The following ZKSCAN4 variants were observed in gnomAD, a reference collection of about 807,000 sequenced individuals.
The protein encoded by ZKSCAN4 is zinc finger protein with KRAB and SCAN domains 4.
ZKSCAN4 carries 23 observed loss-of-function variants against 30.8 expected under a neutral mutation model. The ratio of observed to expected loss-of-function variants is 0.75; its 90% confidence interval spans 0.54 to 1.06. ZKSCAN4 has a LOEUF of 1.06. Among genes scored for constraint, ZKSCAN4 ranks in the 50% least tolerant of loss-of-function variants. The pLI is 0.00. For missense variants in ZKSCAN4, 556 were observed against 665.4 expected (o/e 0.84, Z 1.81); for synonymous variants, 208 against 252.5 (o/e 0.82, Z 1.67).
At chr6:28,246,656 T>G (rs986322277) in intron 4 of ZKSCAN4, among the ~76,000 whole-genome samples, 2 of 151,194 alleles carry the variant, frequency 1.3e-5, no homozygotes, top group Non-Finnish European at 2.9e-5. Context: ...GGCCCCCCCC[T>G]CCCCGCAGCT....
intron 4 of ZKSCAN4, among the ~76,000 whole-genome samples, chr6:28,246,415 C>T (rs1031137914): frequency 1.3e-5 from 2 of 152,106 alleles, no homozygotes; most frequent in African/African-American, 4.8e-5. Flanking sequence ...ATGACATGGA[C>T]CGTCATCTCT....
chr6:28,245,873 A>G lies in ZKSCAN4; in HGVS notation c.881T>C (p.Ile294Thr). 2 of 1,614,178 alleles carry G rather than the reference A, an allele frequency of 1.2e-6. No individual in the cohort carries two copies. Among genetic ancestry groups the G allele is most frequent in the Non-Finnish European group, 1.7e-6 (2 of 1,180,032 alleles). ...ICHLREDIAQ[I>T]PTHAEAGEQE... ...TTCACCAGCTTCTGCATGTGTAGGA[A>G]TCTGGGCAATGTCTTCCCTCAGGTG... The change falls in exon 5 of 5, where the codon ATT becomes ACT. Residue 294 changes from isoleucine to threonine, a missense_variant. By Grantham distance (89) the Ile-to-Thr change is moderately conservative (BLOSUM62 -1). Around this residue, in one of 3 missense-constraint regions of ZKSCAN4, gnomAD observed 433 missense variants for 511.5 expected, o/e 0.85. Transcript: ENST00000377294.
intron 4 of ZKSCAN4, among the ~76,000 whole-genome samples, chr6:28,246,745 AGTT>A (rs1164680791): frequency 6.6e-6 from 1 of 152,114 alleles, no homozygotes; most frequent in African/African-American, 2.4e-5. Context: ...CTGTACAAGG[AGTT>A]GTATCAATTT....
chr6:28,246,873 A>G, intron 4 of ZKSCAN4, 96 bp downstream of exon 4: 1 of 1,398,532 alleles, frequency 7.2e-7, no homozygotes, highest in Non-Finnish European at 9.6e-7. Context: ...CTGAATCCAA[A>G]CATAATGGGG....
rs1234313130 is a variant in ZKSCAN4, at chr6:28,242,656, C to T, written c.*2460G>A. 1.3e-5 allele frequency among the ~76,000 whole-genome samples: 2 copies of T among 152,132 alleles called. No individual in the cohort carries two copies. The highest frequency in any genetic ancestry group is 4.8e-5 in the African/African-American group (2 of 41,406). ...TTTTCCTTCTCTGAATTTCTACAAG[C>T]CTCAGTTTACCACTCATAAGGCATT... is the stretch of plus-strand genomic sequence containing the variant. On this transcript the variant is annotated 3_prime_UTR_variant, in exon 5 of 5. Coordinates refer to ENST00000377294, the MANE Select transcript of ZKSCAN4 (RefSeq NM_019110.5).
intron 1 of ZKSCAN4, among the ~76,000 whole-genome samples, chr6:28,250,144 C>T (rs187866166): frequency 2.0e-5 from 3 of 151,726 alleles, no homozygotes; most frequent in African/African-American, 7.3e-5. Flanking sequence ...CTCACCTCAC[C>T]GCAACTTCCG....
Position 28,251,230 on chromosome 6 carries a change from G to A in ZKSCAN4, c.423+328C>T, listed in dbSNP as rs1027990462. Among the ~76,000 whole-genome samples, 3 of 152,090 alleles carry A rather than the reference G, an allele frequency of 2.0e-5. No individual in the cohort carries two copies. The highest frequency in any genetic ancestry group is 7.2e-5 in the African/African-American group (3 of 41,398). ...GCAAATAGATGCTTATCGCCATTTT[G>A]AAATTGCCAATTATAAGCCCTGTCC... On this transcript the variant is annotated intron_variant, in intron 1 of 4. Coordinates refer to ENST00000377294, the MANE Select transcript of ZKSCAN4 (RefSeq NM_019110.5). This position sits in a 1 kb window ranked among gnomAD's most constrained non-coding sequence, Gnocchi z 4.5.
chr6:28,254,055 T>C (rs1581592945), upstream of ZKSCAN4, among the ~76,000 whole-genome samples: 1 of 152,196 alleles, frequency 6.6e-6, no homozygotes, highest in South Asian at 2.1e-4. Flanking sequence ...GGACATTCTA[T>C]AGAACAGAAT....
At position 28,249,668 on chromosome 6, in the gene ZKSCAN4, C is replaced by T; in HGVS notation, c.571+19G>A. Reference sequence around the variant, plus strand: ...GATGAAGTCTATAGAATTCATACAACCCAGAAGAGAATACTCACCTCTATC... The same window carrying T: ...GATGAAGTCTATAGAATTCATACAATCCAGAAGAGAATACTCACCTCTATC... On this transcript the variant is annotated intron_variant, in intron 2 of 4. Transcript: ENST00000377294. The surrounding 1 kb of genome is among the most constrained non-coding windows in gnomAD (Gnocchi z 4.1). 1.2e-6 allele frequency: 2 copies of T among 1,611,280 alleles called. No homozygotes were observed. Among genetic ancestry groups the T allele is most frequent in the Non-Finnish European group, 1.7e-6 (2 of 1,178,978 alleles).
Position 28,251,883 on chromosome 6 carries a change from G to T in ZKSCAN4, c.98C>A (p.Ser33Tyr), listed in dbSNP as rs9986596. 1.3e-6 allele frequency: 2 copies of T among 1,550,110 alleles called. No individual in the cohort carries two copies. Among genetic ancestry groups the T allele is most frequent in the Non-Finnish European group, 1.7e-6 (2 of 1,153,816 alleles). ...TGCTCTCACCTCCGCCGTCAAGGCG[G>T]AGGCTTCCTCCTTCTCCACCTTCAC... ...LTVKVEKEEA[S>Y]ALTAEVRAPC... Residue 33 changes from serine to tyrosine, a missense_variant, in exon 1 of 5, where the codon TCC becomes TAC. Transcript: ENST00000377294. The surrounding 1 kb of genome is among the most constrained non-coding windows in gnomAD (Gnocchi z 4.5).
chr6:28,251,778 C>A lies in ZKSCAN4; in HGVS notation c.203G>T (p.Arg68Leu). The change falls in exon 1 of 5, where the codon CGC becomes CTC. Residue 68 changes from arginine to leucine, a missense_variant. This residue lies in a region of ZKSCAN4 where 115 missense variants were observed against 125.9 expected (regional missense o/e 0.91). Coordinates refer to ENST00000377294, the MANE Select transcript of ZKSCAN4 (RefSeq NM_019110.5). The surrounding 1 kb of genome is among the most constrained non-coding windows in gnomAD (Gnocchi z 4.5). ...TTCTCGGAGCCGGCTCAACGCCTCG[C>A]GGGGGCCCGCAGCCTCCGGGTAGCG... ...GFRYPEAAGP[R>L]EALSRLRELC... is the part of the protein sequence containing the mutation. 6.2e-7 allele frequency: 1 copy of A among 1,614,086 alleles called. No homozygotes were observed. The highest frequency in any genetic ancestry group is 8.5e-7 in the Non-Finnish European group (1 of 1,179,950).
intron 1 of ZKSCAN4, among the ~76,000 whole-genome samples, chr6:28,250,494 T>C (rs1760947423): frequency 6.6e-6 from 1 of 152,198 alleles, no homozygotes; most frequent in African/African-American, 2.4e-5. Context: ...GCTCCCTCAT[T>C]ATATACATCT....
rs1445036770 is a variant in ZKSCAN4 at position 28,245,852 on chromosome 6, C to G, written c.902G>C (p.Gly301Ala). ...TCTTTGTAACCTGCCCTCCTGTTCA[C>G]CAGCTTCTGCATGTGTAGGAATCTG... ...IAQIPTHAEA[G>A]EQEGRLQRKQ... The change falls in exon 5 of 5, where the codon GGT becomes GCT. Residue 301 changes from glycine to alanine, a missense_variant. Gly to Ala is a moderately conservative substitution (Grantham distance 60). Around this residue, in one of 3 missense-constraint regions of ZKSCAN4, gnomAD observed 433 missense variants for 511.5 expected, o/e 0.85. Coordinates refer to ENST00000377294, the MANE Select transcript of ZKSCAN4 (RefSeq NM_019110.5). 2 of 1,614,094 alleles carry G rather than the reference C, an allele frequency of 1.2e-6. No homozygotes were observed. Among genetic ancestry groups the G allele is most frequent in the East Asian group, 4.5e-5 (2 of 44,888 alleles).
rs781334322 is a variant in ZKSCAN4 at position 28,251,876 on chromosome 6, C to G, written c.105G>C (p.Leu35Phe). The change falls in exon 1 of 5, where the codon TTG (leucine) becomes TTC (phenylalanine). Residue 35 changes from leucine (L) to phenylalanine (F), a missense_variant. Transcript: ENST00000377294. This position sits in a 1 kb window ranked among gnomAD's most constrained non-coding sequence, Gnocchi z 4.5. Reference protein sequence around the residue: ...VKVEKEEASALTAEVRAPCSP... With the variant: ...VKVEKEEASAFTAEVRAPCSP... ...TGCAGGGTGCTCTCACCTCCGCCGTCAAGGCGGAGGCTTCCTCCTTCTCCA... is the reference window on the plus strand; with the variant it reads ...TGCAGGGTGCTCTCACCTCCGCCGTGAAGGCGGAGGCTTCCTCCTTCTCCA... 1.4e-5 allele frequency: 22 copies of G among 1,556,438 alleles called. No individual in the cohort carries two copies. The highest frequency in any genetic ancestry group is 1.3e-4 in the South Asian group (11 of 82,078).
rs1352468671 is a variant in ZKSCAN4 at position 28,249,208 on chromosome 6, G to C, written c.571+479C>G. Reference sequence around the variant, plus strand: ...GGTTTAGATTTACACTCTTCTATTTGCAGCAGTCCTACTATCTCTGGAATG... The same window carrying C: ...GGTTTAGATTTACACTCTTCTATTTCCAGCAGTCCTACTATCTCTGGAATG... On this transcript the variant is annotated intron_variant, in intron 2 of 4. Coordinates refer to ENST00000377294, the MANE Select transcript of ZKSCAN4 (RefSeq NM_019110.5). This position sits in a 1 kb window ranked among gnomAD's most constrained non-coding sequence, Gnocchi z 4.1. Among the ~76,000 whole-genome samples, 2 of 152,180 alleles carry C rather than the reference G, an allele frequency of 1.3e-5. No homozygotes were observed. The highest frequency in any genetic ancestry group is 2.9e-5 in the Non-Finnish European group (2 of 68,026).
chr6:28,248,275 T>C, intron 2 of ZKSCAN4, 126 bp from the exon 3 acceptor site: 1 of 651,046 alleles, frequency 1.5e-6, no homozygotes, highest in Non-Finnish European at 2.6e-6. Flanking sequence ...TGTGTTCCTT[T>C]CAAAAATGCC....
chr6:28,246,473 C>T (rs953235706), intron 4 of ZKSCAN4, among the ~76,000 whole-genome samples: 2 of 152,038 alleles, frequency 1.3e-5, no homozygotes, highest in African/African-American at 2.4e-5. Context: ...CTGGCATTGG[C>T]GCTAGGAGTT....
Position 28,245,637 on chromosome 6 carries a change from C to A in ZKSCAN4, c.1117G>T (p.Glu373Ter), listed in dbSNP as rs765499152. The A allele has an allele frequency of 3.1e-6, 5 of 1,614,168 alleles. No individual in the cohort carries two copies. Among genetic ancestry groups the A allele is most frequent in the Non-Finnish European group, 4.2e-6 (5 of 1,180,028 alleles). The change falls in exon 5 of 5, where the codon GAG becomes TAG. Residue 373 changes from glutamate to a stop codon, truncating the protein, a stop_gained. Transcript: ENST00000377294. LOFTEE classifies it low-confidence loss of function (END_TRUNC). The stretch of plus-strand genomic sequence containing the variant: ...CATTCTTCACACTCATATGGCTTCT[C>A]ACCAGTGTGGACTCTCTGATGAATG... Reference protein sequence around the residue: ...LVIHQRVHTGEKPYECEECGK... With the variant: ...LVIHQRVHTG
Position 28,245,747 on chromosome 6 carries a change from G to A in ZKSCAN4, c.1007C>T (p.Thr336Ile), listed in dbSNP as rs200912974. 2.1e-4 allele frequency: 338 copies of A among 1,614,108 alleles called. No individual in the cohort carries two copies. The highest frequency in any genetic ancestry group is 5.3e-5 in the Non-Finnish European group (62 of 1,180,056). ...ACCAGTGTGGATTCTCCTGTGTTTA[G>A]TCAGGCCTGAACTTTGAGCAAAACT... ...GKSFAQSSGL[T>I]KHRRIHTGEK... Residue 336 changes from threonine (T) to isoleucine (I), a missense_variant, in exon 5 of 5, where the codon ACT becomes ATT. By Grantham distance (89) the Thr-to-Ile change is moderately conservative. Transcript: ENST00000377294.
Sources: allele counts gnomAD v4.1 joint callset (sites outside exome capture counted in the v4.1 genomes callset), GRCh38; gene constraint gnomAD v4.1.1; regional missense constraint gnomAD v4.1.1; non-coding constraint Gnocchi (gnomAD v3.1); transcripts MANE v1.5; gene names NCBI Gene and HGNC (gene_info 2026-07-23, HGNC 2026-07-21).